The following ABTB2 variants were observed in gnomAD, a reference collection of about 807,000 sequenced individuals.
ABTB2 encodes the protein ankyrin repeat and BTB/POZ domain-containing protein 2.
ABTB2 carries 56 observed loss-of-function variants against 104.1 expected under a neutral mutation model. The ratio of observed to expected loss-of-function variants is 0.54; its 90% confidence interval spans 0.43 to 0.67. ABTB2 has a LOEUF of 0.67. Among genes scored for constraint, ABTB2 ranks in the 30% least tolerant of loss-of-function variants. The probability of loss-of-function intolerance (pLI) is 0.00; values close to 1 mark genes in which losing one functional copy is unlikely to be tolerated. For synonymous variants in ABTB2, 606 were observed against 608.2 expected (o/e 1.00, Z 0.05); for missense variants, 1,279 against 1,407.7 (o/e 0.91, Z 1.46).
At chr11:34,332,905 G>A (rs545135314) in intron 1 of ABTB2, among the ~76,000 whole-genome samples, 81 of 152,228 alleles carry the variant, frequency 5.3e-4, no homozygotes, top group African/African-American at 1.8e-3. Context: ...GAAATGGAGG[G>A]CACAGGAACA....
intron 1 of ABTB2, among the ~76,000 whole-genome samples, chr11:34,255,907 C>T (rs948206942): frequency 1.3e-5 from 2 of 152,182 alleles, no homozygotes; most frequent in Non-Finnish European, 2.9e-5. Context: ...CCCACAATGG[C>T]CTCAAGGACA....
chr11:34,248,524 GA>G (rs1342386530), intron 1 of ABTB2, among the ~76,000 whole-genome samples: 6 of 152,160 alleles, frequency 3.9e-5, no homozygotes, highest in Non-Finnish European at 8.8e-5. Context: ...GGCTATTACT[GA>G]AAGTAGGAAT....
intron 1 of ABTB2, among the ~76,000 whole-genome samples, chr11:34,311,970 G>A (rs1590251884): frequency 1.3e-5 from 2 of 152,116 alleles, no homozygotes; most frequent in Non-Finnish European, 2.9e-5. Flanking sequence ...GTGAAACCCC[G>A]TGTCTACTAA....
chr11:34,327,410 T>C (rs1046176025), intron 1 of ABTB2, among the ~76,000 whole-genome samples: 4 of 152,112 alleles, frequency 2.6e-5, no homozygotes, highest in African/African-American at 9.7e-5. Context: ...TGTCCCACCC[T>C]AGGAATCCAC....
intron 3 of ABTB2, among the ~76,000 whole-genome samples, chr11:34,194,911 C>T (rs1486147891): frequency 2.0e-5 from 3 of 151,890 alleles, no homozygotes; most frequent in Non-Finnish European, 2.9e-5. Context: ...TAAATGGCTA[C>T]GTAAACACAT....
In ABTB2 at chr11:34,349,934, C is replaced by T. The variant is rs185280814; in HGVS notation, c.883+6767G>A. On this transcript the variant is annotated intron_variant, in intron 1 of 16. Transcript: ENST00000435224. ...GAAGTTATGAGGAATTACAGCCAGG[C>T]AGCCCCACCCCGTGCTGTGCTCTCA... 4.1e-3 allele frequency among the ~76,000 whole-genome samples: 625 copies of T among 152,352 alleles called. 6 individuals carry two copies. Among genetic ancestry groups the T allele is most frequent in the African/African-American group, 0.014 (584 of 41,574 alleles).
Position 34,262,381 on chromosome 11 carries a change from G to A in ABTB2, c.884-57691C>T, listed in dbSNP as rs140712446. On this transcript the variant is annotated intron_variant, in intron 1 of 16. Transcript: ENST00000435224. ...CTAAGGCTCAGATGTAAAGGAACCC[G>A]CTTGAGGTCATGCTGCTACATCAGA... is the stretch of plus-strand genomic sequence containing the variant. Among the ~76,000 whole-genome samples, 244 of 152,264 alleles carry A rather than the reference G, an allele frequency of 1.6e-3. 2 individuals are homozygous for A. Among genetic ancestry groups the A allele is most frequent in the Admixed American group, 4.4e-3 (68 of 15,288 alleles).
At chr11:34,177,902 T>C (rs1235955266) in intron 3 of ABTB2, among the ~76,000 whole-genome samples, 1 of 152,110 alleles carries the variant, frequency 6.6e-6, no homozygotes, top group Non-Finnish European at 1.5e-5. Context: ...ACTCCTGAAC[T>C]GCAGCTCCAG....
At chr11:34,159,856 A>G (rs776405623) in intron 13 of ABTB2, 50 bp downstream of exon 13, 32 of 1,437,180 alleles carry the variant, frequency 2.2e-5, no homozygotes, top group Admixed American at 1.9e-4. Flanking sequence ...ATCTGAAACA[A>G]GGTGCTTCTG....
intron 1 of ABTB2, among the ~76,000 whole-genome samples, chr11:34,329,725 A>C (rs1855107953): frequency 6.6e-6 from 1 of 152,222 alleles, no homozygotes; most frequent in African/African-American, 2.4e-5. Context: ...CAGAATCCAG[A>C]AGCAAGAGTA....
At chr11:34,166,212 C>T (rs1293974186) in intron 7 of ABTB2, among the ~76,000 whole-genome samples, 5 of 152,248 alleles carry the variant, frequency 3.3e-5, no homozygotes, top group Non-Finnish European at 5.9e-5. Context: ...GGAGCCCAAC[C>T]GCCCTTCCCC....
intron 1 of ABTB2, among the ~76,000 whole-genome samples, chr11:34,309,703 CTT>C (rs1158590335): frequency 6.6e-6 from 1 of 151,550 alleles, no homozygotes; most frequent in African/African-American, 2.4e-5. Context: ...GAAAAACAAA[CTT>C]TTGGTTAACT....
At chr11:34,312,825 C>T (rs755873631) in intron 1 of ABTB2, among the ~76,000 whole-genome samples, 8 of 152,102 alleles carry the variant, frequency 5.3e-5, no homozygotes, top group South Asian at 2.1e-4. Flanking sequence ...CTCAGCCTTC[C>T]GAAGTGCTGG....
At chr11:34,332,697 CCTCTG>C (rs1272361297) in intron 1 of ABTB2, among the ~76,000 whole-genome samples, 2 of 152,062 alleles carry the variant, frequency 1.3e-5, no homozygotes, top group African/African-American at 4.8e-5. Flanking sequence ...TCCAGCAATG[CCTCTG>C]TTGATTTTGC....
chr11:34,154,583 G>A lies in ABTB2; in HGVS notation c.2766+118C>T. 1 of 1,079,294 alleles carries A rather than the reference G, an allele frequency of 9.3e-7. No individual in the cohort carries two copies. The highest frequency in any genetic ancestry group is 1.4e-6 in the Non-Finnish European group (1 of 724,250). 66.9% of individuals were successfully genotyped at this position (1,079,294 alleles called of 1,614,324 possible). On this transcript the variant is annotated intron_variant, in intron 15 of 16. Transcript: ENST00000435224. The surrounding 1 kb of genome is among the most constrained non-coding windows in gnomAD (Gnocchi z 4.9). Reference sequence around the variant, plus strand: ...TGGTGTGCACAGTTCCTCTTTCTGGGAACTGCTCTTCCTGTCAGATGGAGA... The same window carrying A: ...TGGTGTGCACAGTTCCTCTTTCTGGAAACTGCTCTTCCTGTCAGATGGAGA...
At chr11:34,300,251 C>T (rs553919383) in intron 1 of ABTB2, among the ~76,000 whole-genome samples, 76 of 152,292 alleles carry the variant, frequency 5.0e-4, no homozygotes, top group Non-Finnish European at 5.9e-4. Context: ...CTGCATTCAG[C>T]GTTGGGTAGT....
rs530447314 is a variant in ABTB2 at position 34,289,669 on chromosome 11, TC to T, written c.883+67031del. Among the ~76,000 whole-genome samples the T allele has an allele frequency of 1.8e-4, 27 of 152,322 alleles. No homozygotes were observed. In the East Asian group the frequency reaches 3.9e-3, roughly 22 times the overall value. On this transcript the variant is annotated intron_variant, in intron 1 of 16. Transcript: ENST00000435224. ...TTGAAGCTACCCTGACCCCAAGTCT[TC>T]CTTCCCATCCAAATGGCTTCTTCTG...
intron 1 of ABTB2, among the ~76,000 whole-genome samples, chr11:34,306,136 A>G (rs1854767865): frequency 6.6e-6 from 1 of 152,010 alleles, no homozygotes; most frequent in East Asian, 1.9e-4. Flanking sequence ...TCTCAGCACC[A>G]TGACTCTAAA....
At chr11:34,216,740 G>A (rs774587997) in intron 1 of ABTB2, among the ~76,000 whole-genome samples, 7 of 152,016 alleles carry the variant, frequency 4.6e-5, no homozygotes, top group Non-Finnish European at 8.8e-5. Flanking sequence ...CAACAAGAGC[G>A]AAATTCCATC....
Sources: gnomAD v4.1 joint callset for allele counts (sites outside exome capture counted in the v4.1 genomes callset) on GRCh38, gnomAD v4.1.1 for gene constraint, Gnocchi (gnomAD v3.1) non-coding constraint, MANE v1.5 for transcripts, NCBI Gene and HGNC (gene_info 2026-07-23, HGNC 2026-07-21) for gene names.